Variants in SCN9A observed in about 807,000 individuals in gnomAD.
The protein encoded by SCN9A is sodium voltage-gated channel alpha subunit 9, also known as sodium channel protein type 9 subunit alpha.
SCN9A carries 131 observed loss-of-function variants against 187.0 expected under a neutral mutation model. The ratio of observed to expected loss-of-function variants is 0.70; its 90% CI spans 0.61 to 0.81. The LOEUF (loss-of-function observed/expected upper bound fraction) is 0.81. SCN9A is among the 30% of genes least tolerant of loss of function. The probability of loss-of-function intolerance (pLI) is 0.00; values close to 1 mark genes in which losing one functional copy is unlikely to be tolerated. For missense variants in SCN9A, 2,252 were observed against 2,396.6 expected (o/e 0.94, Z 1.26); for synonymous variants, 809 against 808.6 (o/e 1.00, Z -0.01).
intron 9 of SCN9A, among the ~76,000 whole-genome samples, chr2:166,289,148 T>TA (rs71297453): frequency 0.12 from 18,646 of 152,070 alleles, 1,419 homozygotes; most frequent in African/African-American, 0.19. Flanking sequence ...AAATAGAATT[T>TA]TTTTTCAAAA....
At chr2:166,306,097 C>T (rs1698747310) in intron 4 of SCN9A, among the ~76,000 whole-genome samples, 177 bp from the exon 5 acceptor site, 3 of 152,004 alleles carry the variant, frequency 2.0e-5, no homozygotes, top group Admixed American at 2.0e-4. Context: ...ATTAAAATGT[C>T]AATATCAGAA....
At chr2:166,285,676 A>G (rs1306583365) in intron 11 of SCN9A, among the ~76,000 whole-genome samples, 2 of 152,170 alleles carry the variant, frequency 1.3e-5, no homozygotes, top group Non-Finnish European at 2.9e-5. Context: ...TAGTTTAGAA[A>G]AGTGATTTGT....
At position 166,197,406 on chromosome 2, in the gene SCN9A, A is replaced by G. The variant is rs1231170121; in HGVS notation, c.*1266T>C. 1 of 152,180 alleles carries G rather than the reference A, an allele frequency of 6.6e-6. No homozygotes were observed. Among genetic ancestry groups the G allele is most frequent in the Non-Finnish European group, 1.5e-5 (1 of 67,992 alleles). 9.4% of individuals were successfully genotyped at this position (152,180 alleles called of 1,614,324 possible). A position where few individuals can be genotyped will look rare whatever the true frequency, so the allele number is the denominator to read the frequency against. The stretch of plus-strand genomic sequence containing the variant: ...TTCACATCATAGAATTTTAAGGAGA[A>G]GGTGACATCTTCCTCATTGTATACA... On this transcript the variant is annotated 3_prime_UTR_variant, in exon 27 of 27. Coordinates refer to ENST00000642356, the MANE Select transcript of SCN9A (RefSeq NM_001365536.1).
At chr2:166,349,648 T>C (rs1406672922) in intron 1 of SCN9A, among the ~76,000 whole-genome samples, 1 of 152,114 alleles carries the variant, frequency 6.6e-6, no homozygotes, top group East Asian at 1.9e-4. Flanking sequence ...ATAAGGGCAA[T>C]GCATTATAAG....
chr2:166,273,697 T>A (rs1383149629), intron 16 of SCN9A, among the ~76,000 whole-genome samples: 2 of 151,674 alleles, frequency 1.3e-5, no homozygotes, highest in Admixed American at 1.3e-4. Flanking sequence ...GCAGGAAACA[T>A]GTAAATTGTA....
chr2:166,303,416 C>A, intron 6 of SCN9A, 114 bp from the exon 7 acceptor site: 1 of 799,764 alleles, frequency 1.3e-6, no homozygotes, highest in East Asian at 2.7e-5. Context: ...CCTTAAGTAA[C>A]CTAATTCAAA....
At chr2:166,303,906 C>G in intron 6 of SCN9A, 1 of 1,018,426 alleles carries the variant, frequency 9.8e-7, no homozygotes, top group Non-Finnish European at 1.5e-6. Context: ...CAAAGGTTGA[C>G]TTTTGATAAT....
intron 1 of SCN9A, among the ~76,000 whole-genome samples, chr2:166,338,449 T>C (rs907589090): frequency 3.3e-5 from 5 of 152,156 alleles, no homozygotes; most frequent in African/African-American, 4.8e-5. Context: ...CTTATGCTAT[T>C]TGTTGGCTTC....
intron 1 of SCN9A, among the ~76,000 whole-genome samples, chr2:166,365,892 C>G (rs1700403456): frequency 6.6e-6 from 1 of 151,966 alleles, no homozygotes; most frequent in African/African-American, 2.4e-5. Context: ...ATTGCTATAT[C>G]TGATGTCTAC....
chr2:166,237,658 A>T (rs1376571975), intron 20 of SCN9A, among the ~76,000 whole-genome samples: 1 of 152,140 alleles, frequency 6.6e-6, no homozygotes, highest in African/African-American at 2.4e-5. Context: ...ATATCAGCCA[A>T]CTTGATGTGC....
intron 24 of SCN9A, among the ~76,000 whole-genome samples, chr2:166,208,538 AT>A (rs899640551): frequency 3.2e-4 from 11 of 34,622 alleles, no homozygotes; most frequent in African/African-American, 1.8e-3. Context: ...GTAATTATAT[AT>A]TTGTATATCA....
chr2:166,215,779 CAA>C (rs33938188), intron 24 of SCN9A, among the ~76,000 whole-genome samples: 2 of 134,768 alleles, frequency 1.5e-5, no homozygotes, highest in African/African-American at 2.7e-5. Flanking sequence ...GTCTCCTAAC[CAA>C]AAAAAAAAAA....
chr2:166,233,821 C>A (rs1307366793), intron 20 of SCN9A, among the ~76,000 whole-genome samples: 2 of 151,980 alleles, frequency 1.3e-5, no homozygotes, highest in Non-Finnish European at 2.9e-5. Context: ...AAACTCAGGT[C>A]AAAATGAAGT....
At chr2:166,318,399 T>G (rs1010790395) in intron 1 of SCN9A, among the ~76,000 whole-genome samples, 8 of 151,932 alleles carry the variant, frequency 5.3e-5, no homozygotes, top group African/African-American at 1.9e-4. Context: ...TCCATAAATA[T>G]TAATAGATTA....
chr2:166,306,472 T>G, intron 4 of SCN9A, 38 bp downstream of exon 4: 2 of 1,138,902 alleles, frequency 1.8e-6, no homozygotes, highest in Non-Finnish European at 2.6e-6. Flanking sequence ...GAAATGATAA[T>G]ACCAAAACTA....
In SCN9A at chr2:166,286,520, G is replaced by C. The variant is rs980194697; in HGVS notation, c.1418C>G (p.Ala473Gly). 5 of 1,612,534 alleles carry C rather than the reference G, an allele frequency of 3.1e-6. No individual in the cohort carries two copies. In the African/African-American group the frequency reaches 6.7e-5, roughly 22 times the overall value. The change falls in exon 11 of 27, where the codon GCT becomes GGT. Residue 473 changes from alanine to glycine, a missense_variant. Physicochemically the swap from Ala to Gly is moderately conservative, Grantham distance 60. Around this residue, in one of 7 missense-constraint regions of SCN9A, gnomAD observed 1,013 missense variants for 997.4 expected, o/e 1.02. Transcript: ENST00000642356. ...CTTTCTTCTGTTTCTTCTTTCTTTA[G>C]CACTTTTAGAGCTCAGTTTGGATGT... Reference protein sequence around the residue: ...SETSKLSSKSAKERRNRRKKK... With the variant: ...SETSKLSSKSGKERRNRRKKK...
At chr2:166,249,667 A>G (rs577211040) in intron 18 of SCN9A, among the ~76,000 whole-genome samples, 1 of 152,244 alleles carries the variant, frequency 6.6e-6, no homozygotes, top group African/African-American at 2.4e-5. Flanking sequence ...AGTATTCACA[A>G]AAGTATTTTC....
intron 17 of SCN9A, among the ~76,000 whole-genome samples, chr2:166,254,532 C>T (rs1220490069): frequency 6.6e-6 from 1 of 151,202 alleles, no homozygotes; most frequent in Non-Finnish European, 1.5e-5. Context: ...TCACAGTAGG[C>T]ATCACCATAT....
rs2106522346 is a variant in SCN9A at position 166,303,205 on chromosome 2, A to C, written c.786T>G (p.Ile262Met). The C allele has an allele frequency of 6.2e-7, 1 of 1,613,738 alleles. No homozygotes were observed. The highest frequency in any genetic ancestry group is 8.5e-7 in the Non-Finnish European group (1 of 1,179,762). Reference protein sequence around the residue: ...TVFCLSVFALIGLQLFMGNLK... With the variant: ...TVFCLSVFALMGLQLFMGNLK... ...GGTTTCCCATGAACAGCTGTAGTCC[A>C]ATTAGTGCAAACACACTCAGACAGA... Residue 262 changes from isoleucine (I) to methionine (M), a missense_variant, in exon 7 of 27, where the codon ATT (isoleucine) becomes ATG (methionine). Ile to Met is a conservative substitution (Grantham distance 10). This residue lies in a region of SCN9A where 1,013 missense variants were observed against 997.4 expected (regional missense o/e 1.02). Coordinates refer to ENST00000642356, the MANE Select transcript of SCN9A (RefSeq NM_001365536.1).
Sources: gnomAD v4.1 joint callset for allele counts (sites outside exome capture counted in the v4.1 genomes callset) on GRCh38, gnomAD v4.1.1 for gene constraint, gnomAD v4.1.1 regional missense constraint, MANE v1.5 for transcripts, NCBI Gene and HGNC (gene_info 2026-07-23, HGNC 2026-07-21) for gene names.